The following PDE4D variants were observed in gnomAD, a reference collection of about 807,000 sequenced individuals.
The protein encoded by PDE4D is phosphodiesterase 4D.
PDE4D carries 24 observed loss-of-function variants against 87.4 expected under a neutral mutation model. That is an observed-to-expected ratio of 0.27 (90% confidence interval 0.20 to 0.39). The LOEUF (loss-of-function observed/expected upper bound fraction) is 0.39. Ranked by LOEUF, PDE4D falls within the 10% of genes least tolerant of loss-of-function variation. The pLI, the probability that PDE4D is intolerant of heterozygous loss-of-function variation, is 1.00. For synonymous variants in PDE4D, 384 were observed against 383.2 expected (o/e 1.00, Z -0.02); for missense variants, 714 against 1,041.0 (o/e 0.69, Z 4.32).
intron 1 of PDE4D, among the ~76,000 whole-genome samples, chr5:60,472,885 A>T (rs1341369648): frequency 1.3e-5 from 2 of 152,164 alleles, no homozygotes; most frequent in African/African-American, 4.8e-5. Flanking sequence ...CCCCAACTGC[A>T]AGCTAATGTA....
At chr5:60,425,598 A>T (rs1743636515) in intron 1 of PDE4D, among the ~76,000 whole-genome samples, 1 of 152,336 alleles carries the variant, frequency 6.6e-6, no homozygotes, top group African/African-American at 2.4e-5. Flanking sequence ...AACCTAGGCA[A>T]TACCATTCAG....
chr5:60,040,099 G>C (rs530711492), intron 2 of PDE4D, among the ~76,000 whole-genome samples: 3 of 152,160 alleles, frequency 2.0e-5, no homozygotes, highest in Non-Finnish European at 4.4e-5. Flanking sequence ...AATTTCACAA[G>C]TAGAAGAATA....
intron 1 of PDE4D, among the ~76,000 whole-genome samples, chr5:59,381,760 T>C (rs753848518): frequency 1.3e-5 from 2 of 152,176 alleles, no homozygotes; most frequent in Non-Finnish European, 2.9e-5. Context: ...TCTGAAATAG[T>C]TGACATATAG....
chr5:59,919,063 G>A (rs1367082955), intron 3 of PDE4D, among the ~76,000 whole-genome samples: 1 of 152,170 alleles, frequency 6.6e-6, no homozygotes, highest in Non-Finnish European at 1.5e-5. Context: ...CTGGCTTTTT[G>A]TGGGGAGAAC....
In PDE4D at chr5:59,537,935, T is replaced by C. The variant is rs73761528; in HGVS notation, c.456-321967A>G. On this transcript the variant is annotated intron_variant, in intron 1 of 14. Coordinates refer to ENST00000340635, the MANE Select transcript of PDE4D (RefSeq NM_001104631.2). Reference sequence around the variant, plus strand: ...CCAAACAACATGTCTACAGTAAATATATTTCCATTTTATGATTACAGGGAA... The same window carrying C: ...CCAAACAACATGTCTACAGTAAATACATTTCCATTTTATGATTACAGGGAA... Among the ~76,000 whole-genome samples the C allele has an allele frequency of 5.6e-3, 855 of 152,348 alleles. 4 individuals are homozygous for C. Among genetic ancestry groups the C allele is most frequent in the African/African-American group, 0.02 (828 of 41,584 alleles).
At chr5:59,715,517 G>A (rs1254977362) in intron 1 of PDE4D, among the ~76,000 whole-genome samples, 1 of 152,206 alleles carries the variant, frequency 6.6e-6, no homozygotes, top group Non-Finnish European at 1.5e-5. Flanking sequence ...GGACAAAGTA[G>A]TCAATGGGCT....
At chr5:59,449,406 C>T (rs186382801) in intron 1 of PDE4D, among the ~76,000 whole-genome samples, 18 of 152,316 alleles carry the variant, frequency 1.2e-4, no homozygotes, top group East Asian at 7.7e-4. Context: ...TCTCCCAAAT[C>T]GATTCCTTCT....
chr5:60,430,215 C>A, intron 1 of PDE4D: 2 of 520,606 alleles, frequency 3.8e-6, no homozygotes, highest in South Asian at 2.8e-5. Context: ...ATTCTCGGGT[C>A]ACCATCTCGT....
At chr5:59,620,073 A>G (rs1830169992) in intron 1 of PDE4D, among the ~76,000 whole-genome samples, 1 of 152,164 alleles carries the variant, frequency 6.6e-6, no homozygotes, top group Admixed American at 6.6e-5. Flanking sequence ...GTGGGACTCA[A>G]GGTACAGGAG....
intron 5 of PDE4D, among the ~76,000 whole-genome samples, chr5:59,065,089 C>T (rs866823662): frequency 0.079 from 10,683 of 135,528 alleles, 736 homozygotes; most frequent in East Asian, 0.14. Flanking sequence ...CACACACACA[C>T]ACACACACAC....
intron 1 of PDE4D, among the ~76,000 whole-genome samples, chr5:60,401,366 A>G (rs1741067750): frequency 6.6e-6 from 1 of 152,222 alleles, no homozygotes; most frequent in African/African-American, 2.4e-5. Context: ...ATCTAGAAAA[A>G]GGGCAAATGA....
In PDE4D at chr5:59,893,650, C is replaced by A; in HGVS notation, c.-28G>T. 1 of 1,455,776 alleles carries A rather than the reference C, an allele frequency of 6.9e-7. No homozygotes were observed. Among genetic ancestry groups the A allele is most frequent in the Non-Finnish European group, 9.0e-7 (1 of 1,112,288 alleles). 90.2% of individuals were successfully genotyped at this position (1,455,776 alleles called of 1,614,324 possible). A position where few individuals can be genotyped will look rare whatever the true frequency, so the allele number is the denominator to read the frequency against. On this transcript the variant is annotated 5_prime_UTR_variant, in exon 1 of 15. Coordinates refer to ENST00000340635, the MANE Select transcript of PDE4D (RefSeq NM_001104631.2). ...TGGCTCGCGGCTCCGCGACCTGCTG[C>A]CCAGCCCGGGTTCACCGCGCTGGCC...
At chr5:59,133,163 G>A (rs540581390) in intron 5 of PDE4D, among the ~76,000 whole-genome samples, 2 of 152,018 alleles carry the variant, frequency 1.3e-5, no homozygotes, top group East Asian at 3.9e-4. Flanking sequence ...AACACAAAAT[G>A]AAAAAGGTAG....
intron 1 of PDE4D, among the ~76,000 whole-genome samples, chr5:59,241,206 A>C (rs1757594379): frequency 6.6e-6 from 1 of 152,192 alleles, no homozygotes. Context: ...ACAAGATCCT[A>C]TTGAAGTTAA....
chr5:59,983,979 T>C lies in PDE4D; in HGVS notation c.272+4509A>G, dbSNP rs190135563. On this transcript the variant is annotated intron_variant, in intron 3 of 16. Coordinates refer to the PDE4D transcript ENST00000502484. ...TCATTAGTAAGAGAGTAAAAATAAA[T>C]ACATTATGCTATATTTATGCAATAA... 5.3e-5 allele frequency among the ~76,000 whole-genome samples: 8 copies of C among 152,070 alleles called. No homozygotes were observed. In the East Asian group the frequency reaches 1.5e-3, roughly 29 times the overall value.
At chr5:60,250,574 A>G (rs151279754) in intron 1 of PDE4D, among the ~76,000 whole-genome samples, 2 of 152,104 alleles carry the variant, frequency 1.3e-5, no homozygotes, top group East Asian at 3.9e-4. Flanking sequence ...TAGCCTAGTT[A>G]TTAATATACC....
intron 1 of PDE4D, among the ~76,000 whole-genome samples, chr5:59,621,019 T>G (rs113784353): frequency 5.3e-5 from 8 of 152,294 alleles, no homozygotes; most frequent in Middle Eastern, 3.4e-3. Flanking sequence ...TCTTTTTTTT[T>G]TGTGGCCCCC....
chr5:59,166,679 G>A (rs1184745475), intron 5 of PDE4D, among the ~76,000 whole-genome samples: 2 of 152,172 alleles, frequency 1.3e-5, no homozygotes, highest in African/African-American at 4.8e-5. Context: ...AAAATCCCTT[G>A]AGAATGGTTT....
At chr5:59,001,187 T>G (rs573194408) in intron 6 of PDE4D, among the ~76,000 whole-genome samples, 1 of 152,316 alleles carries the variant, frequency 6.6e-6, no homozygotes, top group South Asian at 2.1e-4. Flanking sequence ...AAAGAGGTCT[T>G]GTGGGTGAGA....
Sources: gnomAD v4.1 joint callset for allele counts (sites outside exome capture counted in the v4.1 genomes callset) on GRCh38, gnomAD v4.1.1 for gene constraint, MANE v1.5 for transcripts, NCBI Gene and HGNC (gene_info 2026-07-23, HGNC 2026-07-21) for gene names.